The following ARHGAP15 variants were observed in gnomAD, a reference collection of about 807,000 sequenced individuals.
The protein encoded by ARHGAP15 is rho GTPase-activating protein 15.
Under a neutral mutation model 63.7 loss-of-function variants are expected in ARHGAP15, and 51 were observed. That is an observed-to-expected ratio of 0.80 (90% confidence interval 0.64 to 1.01). ARHGAP15 has a LOEUF of 1.01. ARHGAP15 is among the 50% of genes least tolerant of loss of function. ARHGAP15 has a pLI of 0.00. For missense variants in ARHGAP15, 560 were observed against 564.6 expected (o/e 0.99, Z 0.08); for synonymous variants, 191 against 193.8 (o/e 0.99, Z 0.12).
At chr2:143,498,094 CTACAAATCTTTT>C (rs1559011069) in intron 9 of ARHGAP15, among the ~76,000 whole-genome samples, 1 of 152,124 alleles carries the variant, frequency 6.6e-6, no homozygotes, top group African/African-American at 2.4e-5. Context: ...ACAGTTTGGC[CTACAAATCTTTT>C]TTCTCCAAAT....
intron 2 of ARHGAP15, among the ~76,000 whole-genome samples, chr2:143,170,778 C>A (rs1339701103): frequency 6.6e-6 from 1 of 152,074 alleles, no homozygotes; most frequent in South Asian, 2.1e-4. Context: ...GTTCACCTTG[C>A]ACAACTTTAG....
intron 5 of ARHGAP15, among the ~76,000 whole-genome samples, chr2:143,245,384 G>C (rs1694010365): frequency 6.6e-6 from 1 of 152,212 alleles, no homozygotes; most frequent in African/African-American, 2.4e-5. Context: ...GTTCAAGTCA[G>C]ATGCAGATGG....
At chr2:143,186,521 T>C (rs1314115779) in intron 2 of ARHGAP15, among the ~76,000 whole-genome samples, 1 of 152,218 alleles carries the variant, frequency 6.6e-6, no homozygotes, top group Non-Finnish European at 1.5e-5. Flanking sequence ...TCCTCATCTT[T>C]GAATTGCCAC....
intron 12 of ARHGAP15, among the ~76,000 whole-genome samples, chr2:143,644,063 T>C (rs1352082595): frequency 1.3e-5 from 2 of 151,996 alleles, no homozygotes; most frequent in East Asian, 3.9e-4. Flanking sequence ...AAAAGAAAGA[T>C]TAGTAAGGGG....
At chr2:143,338,075 A>T (rs929833381) in intron 6 of ARHGAP15, among the ~76,000 whole-genome samples, 3 of 152,148 alleles carry the variant, frequency 2.0e-5, no homozygotes, top group East Asian at 3.9e-4. Context: ...TCTAACTCTT[A>T]TATGTTCTAT....
intron 11 of ARHGAP15, among the ~76,000 whole-genome samples, chr2:143,617,895 A>T (rs1378274663): frequency 1.3e-5 from 2 of 152,208 alleles, no homozygotes; most frequent in African/African-American, 4.8e-5. Context: ...AGCTTTAAAA[A>T]CACAAGGCCC....
At chr2:143,334,246 G>A (rs974367991) in intron 6 of ARHGAP15, among the ~76,000 whole-genome samples, 2 of 152,104 alleles carry the variant, frequency 1.3e-5, no homozygotes, top group Non-Finnish European at 2.9e-5. Context: ...AAAAATAAGA[G>A]TACTTTTTTT....
Position 143,634,019 on chromosome 2 carries a change from C to T in ARHGAP15, c.1138+9752C>T, listed in dbSNP as rs1052331150. Reference sequence around the variant, plus strand: ...AGCATGATTCTAGTTCTAAAATACACGCAAACTGATATATCTGGCTTGCAT... The same window carrying T: ...AGCATGATTCTAGTTCTAAAATACATGCAAACTGATATATCTGGCTTGCAT... On this transcript the variant is annotated intron_variant, in intron 12 of 13. Coordinates refer to ENST00000295095, the MANE Select transcript of ARHGAP15 (RefSeq NM_018460.4). Among the ~76,000 whole-genome samples, 8 of 152,064 alleles carry T rather than the reference C, an allele frequency of 5.3e-5. No individual in the cohort carries two copies. In the South Asian group the frequency reaches 6.2e-4, roughly 12 times the overall value.
intron 6 of ARHGAP15, among the ~76,000 whole-genome samples, chr2:143,279,720 C>T (rs1304660301): frequency 2.0e-4 from 30 of 152,094 alleles, no homozygotes; most frequent in Admixed American, 2.0e-3. Flanking sequence ...TTTGAGTATG[C>T]TTGCCTTTTA....
intron 6 of ARHGAP15, among the ~76,000 whole-genome samples, chr2:143,421,025 C>T (rs151204289): frequency 6.6e-6 from 1 of 152,276 alleles, no homozygotes; most frequent in Non-Finnish European, 1.5e-5. Flanking sequence ...AAACAAATAG[C>T]TGCCATCTCT....
chr2:143,615,265 A>G (rs1698412476), intron 11 of ARHGAP15, among the ~76,000 whole-genome samples: 2 of 152,178 alleles, frequency 1.3e-5, no homozygotes, highest in South Asian at 4.1e-4. Flanking sequence ...TGAGAGTAGC[A>G]ATATCTTAAT....
intron 6 of ARHGAP15, among the ~76,000 whole-genome samples, chr2:143,332,369 T>G (rs1246061677): frequency 6.6e-6 from 1 of 152,100 alleles, no homozygotes; most frequent in Non-Finnish European, 1.5e-5. Context: ...AGTACAGACA[T>G]CCTCATATTT....
intron 6 of ARHGAP15, among the ~76,000 whole-genome samples, chr2:143,407,604 G>C (rs1385306010): frequency 1.3e-5 from 2 of 151,750 alleles, no homozygotes; most frequent in Non-Finnish European, 3.0e-5. Context: ...TGATGGAAAT[G>C]TGACAGGAGA....
intron 12 of ARHGAP15, among the ~76,000 whole-genome samples, chr2:143,684,388 TC>T: frequency 6.6e-6 from 1 of 152,302 alleles, no homozygotes; most frequent in Non-Finnish European, 1.5e-5. Flanking sequence ...TTTTAGTGGT[TC>T]TTTTTAGTTT....
At chr2:143,519,183 T>C in intron 9 of ARHGAP15, 83 bp from the exon 10 acceptor site, 1 of 1,026,042 alleles carries the variant, frequency 9.7e-7, no homozygotes, top group Middle Eastern at 2.1e-4. Flanking sequence ...GATTTCAGCA[T>C]GCAATGGATA....
intron 12 of ARHGAP15, among the ~76,000 whole-genome samples, chr2:143,648,410 A>G (rs896811913): frequency 1.5e-4 from 23 of 152,140 alleles, no homozygotes; most frequent in Admixed American, 8.5e-4. Flanking sequence ...TTGAACATAT[A>G]TTATTTTTCC....
intron 11 of ARHGAP15, among the ~76,000 whole-genome samples, chr2:143,570,107 T>C (rs1696391221): frequency 6.6e-6 from 1 of 152,210 alleles, no homozygotes. Context: ...CAATGGAAAT[T>C]GCTACACCAT....
At chr2:143,492,022 TAG>T (rs939050713) in intron 9 of ARHGAP15, among the ~76,000 whole-genome samples, 24 of 152,094 alleles carry the variant, frequency 1.6e-4, no homozygotes, top group African/African-American at 5.6e-4. Context: ...GCTGGGACTA[TAG>T]GTGCACACCA....
chr2:143,471,176 ATG>A (rs1045707759), intron 8 of ARHGAP15, among the ~76,000 whole-genome samples: 6 of 147,912 alleles, frequency 4.1e-5, no homozygotes, highest in African/African-American at 1.0e-4. Flanking sequence ...GGATATGAAT[ATG>A]TGTGTGTATA....
Sources: allele counts gnomAD v4.1 joint callset (sites outside exome capture counted in the v4.1 genomes callset), GRCh38; gene constraint gnomAD v4.1.1; transcripts MANE v1.5; gene names NCBI Gene and HGNC (gene_info 2026-07-23, HGNC 2026-07-21).